Variants in RAB27B observed in about 807,000 individuals in gnomAD.
RAB27B encodes the protein RAB27B, member RAS oncogene family.
RAB27B carries 15 observed loss-of-function variants against 24.6 expected under a neutral mutation model. The ratio of observed to expected loss-of-function variants is 0.61; its 90% CI spans 0.41 to 0.94. The LOEUF is 0.94. Among genes scored for constraint, RAB27B ranks in the 40% least tolerant of loss-of-function variants. The probability of loss-of-function intolerance (pLI) is 0.00; values close to 1 mark genes in which losing one functional copy is unlikely to be tolerated. For synonymous variants in RAB27B, 105 were observed against 92.5 expected (o/e 1.14, Z -0.78); for missense variants, 261 against 266.8 (o/e 0.98, Z 0.15).
chr18:54,751,919 A>G (rs1372942862), intron 2 of RAB27B, among the ~76,000 whole-genome samples: 1 of 152,122 alleles, frequency 6.6e-6, no homozygotes, highest in Non-Finnish European at 1.5e-5. Context: ...TCTGGTTATC[A>G]TTTCTCTTGG....
At chr18:54,879,205 G>C (rs942473377) in intron 2 of RAB27B, among the ~76,000 whole-genome samples, 164 bp from the exon 3 acceptor site, 1 of 152,146 alleles carries the variant, frequency 6.6e-6, no homozygotes, top group South Asian at 2.1e-4. Context: ...ATTTAAAAGT[G>C]AGAGTACATG....
intron 1 of RAB27B, among the ~76,000 whole-genome samples, chr18:54,875,316 G>A (rs1248826269): frequency 2.0e-5 from 3 of 152,138 alleles, no homozygotes; most frequent in Non-Finnish European, 4.4e-5. Context: ...GACAGAGTGA[G>A]ATCCTGTCTT....
chr18:54,860,868 G>A (rs556253301), intron 1 of RAB27B, among the ~76,000 whole-genome samples: 5 of 152,240 alleles, frequency 3.3e-5, no homozygotes, highest in African/African-American at 9.6e-5. Context: ...CCATTTTCCA[G>A]TATTTATTAA....
chr18:54,728,902 CCA>C (rs1909634166), intron 2 of RAB27B, among the ~76,000 whole-genome samples: 1 of 40,576 alleles, frequency 2.5e-5, no homozygotes, highest in African/African-American at 8.0e-5. Context: ...AAAAAAAAAC[CCA>C]AAAAAAAAAA....
chr18:54,787,816 T>C (rs1008962613), intron 2 of RAB27B, among the ~76,000 whole-genome samples: 7 of 152,164 alleles, frequency 4.6e-5, no homozygotes, highest in Non-Finnish European at 1.0e-4. Context: ...TTTGGCTCCA[T>C]ATGTACATGC....
chr18:54,804,930 CTTTCTTTCTTTCTT>C (rs1568072772), intron 2 of RAB27B, among the ~76,000 whole-genome samples: 1 of 91,136 alleles, frequency 1.1e-5, no homozygotes, highest in Non-Finnish European at 2.3e-5. Flanking sequence ...TTCTTTCTTT[CTTTCTTTCTTTCTT>C]TCTTTCTTTC....
intron 2 of RAB27B, among the ~76,000 whole-genome samples, chr18:54,802,988 T>C (rs1909658376): frequency 6.6e-6 from 1 of 152,236 alleles, no homozygotes; most frequent in South Asian, 2.1e-4. Flanking sequence ...TATTTATTCA[T>C]TCATTTATTC....
At chr18:54,758,507 T>A (rs1353868305) in intron 2 of RAB27B, among the ~76,000 whole-genome samples, 2 of 151,628 alleles carry the variant, frequency 1.3e-5, no homozygotes, top group Non-Finnish European at 2.9e-5. Context: ...GGTAGAAAAA[T>A]ATATCAGGTT....
chr18:54,764,859 A>C (rs1298527394), intron 2 of RAB27B, among the ~76,000 whole-genome samples: 1 of 152,130 alleles, frequency 6.6e-6, no homozygotes, highest in Non-Finnish European at 1.5e-5. Context: ...TGTCTGTGGC[A>C]TCTCACAATT....
chr18:54,760,249 G>A (rs941840434), intron 2 of RAB27B, among the ~76,000 whole-genome samples: 2 of 152,134 alleles, frequency 1.3e-5, no homozygotes, highest in African/African-American at 4.8e-5. Context: ...CTGAGTAAAT[G>A]TGCCATCCCC....
chr18:54,754,957 A>G (rs1447752247), intron 2 of RAB27B, among the ~76,000 whole-genome samples: 1 of 152,202 alleles, frequency 6.6e-6, no homozygotes, highest in Non-Finnish European at 1.5e-5. Flanking sequence ...AGGCTCCTGC[A>G]TCCCTGACAT....
chr18:54,805,389 T>C (rs912455336), intron 2 of RAB27B, among the ~76,000 whole-genome samples: 2 of 152,218 alleles, frequency 1.3e-5, no homozygotes, highest in African/African-American at 4.8e-5. Flanking sequence ...TCAAAGACTG[T>C]ATAATGTTAA....
At chr18:54,833,711 G>T (rs1427722530) in intron 1 of RAB27B, among the ~76,000 whole-genome samples, 1 of 152,200 alleles carries the variant, frequency 6.6e-6, no homozygotes, top group Non-Finnish European at 1.5e-5. Context: ...GGGCATTTCA[G>T]TTGAGACCTA....
At chr18:54,803,812 A>G (rs571319691) in intron 2 of RAB27B, among the ~76,000 whole-genome samples, 2 of 152,160 alleles carry the variant, frequency 1.3e-5, no homozygotes, top group South Asian at 4.1e-4. Flanking sequence ...TGGGTTGATG[A>G]TAATTTGGTT....
At position 54,798,351 on chromosome 18, in the gene RAB27B, A is replaced by G. The variant is rs550429060; in HGVS notation, c.-19-79216A>G. Among the ~76,000 whole-genome samples, 5 of 152,350 alleles carry G rather than the reference A, an allele frequency of 3.3e-5. No individual in the cohort carries two copies. In the South Asian group the frequency reaches 8.3e-4, roughly 25 times the overall value. On this transcript the variant is annotated intron_variant, in intron 2 of 4. Transcript: ENST00000586570. ...AGTCATAGAGGGCGAGGGCTTGAAG[A>G]GACTTCAACTGTTGCACAACTCTTC...
chr18:54,749,174 G>A (rs1014529106), intron 2 of RAB27B, among the ~76,000 whole-genome samples: 11 of 152,080 alleles, frequency 7.2e-5, no homozygotes, highest in African/African-American at 4.8e-5. Flanking sequence ...TAAGACAATC[G>A]CATTTCTTTT....
At position 54,892,807 on chromosome 18, in the gene RAB27B, A is replaced by G. The variant is rs774923757; in HGVS notation, c.*3394A>G. On this transcript the variant is annotated 3_prime_UTR_variant, in exon 6 of 6. Transcript: ENST00000262094. ...AACATTTTATCTGTTACTTTTAACC[A>G]GATAGGTGTCTTTGTCATCCTTCTA... The G allele has an allele frequency of 6.6e-6, 1 of 152,092 alleles. No homozygotes were observed. Among genetic ancestry groups the G allele is most frequent in the African/African-American group, 2.4e-5 (1 of 41,436 alleles). 9.4% of individuals were successfully genotyped at this position (152,092 alleles called of 1,614,324 possible).
At chr18:54,865,237 T>TTGTGTGTGTG (rs3060044) in intron 1 of RAB27B, among the ~76,000 whole-genome samples, 3,024 of 143,414 alleles carry the variant, frequency 0.021, 53 homozygotes, top group African/African-American at 0.056. Flanking sequence ...CAATGGCCTT[T>TTGTGTGTGTG]TGTGTGTGTG....
intron 2 of RAB27B, among the ~76,000 whole-genome samples, chr18:54,722,661 C>T (rs1909397477): frequency 6.6e-6 from 1 of 152,180 alleles, no homozygotes; most frequent in Non-Finnish European, 1.5e-5. Flanking sequence ...GGAGAATTCA[C>T]ATCTAAAGAT....
Sources: allele counts gnomAD v4.1 joint callset (sites outside exome capture counted in the v4.1 genomes callset), GRCh38; gene constraint gnomAD v4.1.1; transcripts MANE v1.5; gene names NCBI Gene and HGNC (gene_info 2026-07-23, HGNC 2026-07-21).